The following ZC3H12B variants were observed in gnomAD, a reference collection of about 807,000 sequenced individuals.
ZC3H12B encodes the protein zinc finger CCCH-type containing 12B, also known as probable ribonuclease ZC3H12B.
A neutral mutation model predicts 43.9 loss-of-function variants in ZC3H12B; 7 were observed. That is an observed-to-expected ratio of 0.16 (90% CI 0.09 to 0.30). The LOEUF (loss-of-function observed/expected upper bound fraction) is 0.30, where lower values mean the gene tolerates loss of function less well. Among genes scored for constraint, ZC3H12B ranks in the 10% least tolerant of loss-of-function variants. The probability of loss-of-function intolerance (pLI) is 1.00; values close to 1 mark genes in which losing one functional copy is unlikely to be tolerated. For missense variants in ZC3H12B, 475 were observed against 670.2 expected (o/e 0.71, Z 3.22); for synonymous variants, 222 against 241.7 (o/e 0.92, Z 0.76).
the ZC3H12B span, among the ~76,000 whole-genome samples, chrX:65,191,705 G>A: frequency 1.9e-5 from 2 of 106,590 alleles, no homozygotes; most frequent in African/African-American, 7.0e-5. Flanking sequence ...TTCTTTATTA[G>A]TCTTGCTAGC....
At chrX:65,231,036 C>G in the ZC3H12B span, among the ~76,000 whole-genome samples, 10 of 111,426 alleles carry the variant, frequency 9.0e-5, no homozygotes, top group African/African-American at 3.3e-4. Flanking sequence ...ACCATAGGTC[C>G]TTTCTATTTT....
At chrX:65,381,882 C>A (rs1192061822) in intron 2 of ZC3H12B, among the ~76,000 whole-genome samples, 1 of 111,681 alleles carries the variant, frequency 9.0e-6, no homozygotes, top group East Asian at 2.8e-4. Flanking sequence ...TCGACACATA[C>A]ACTCTCCCAA....
chrX:65,227,844 A>G, the ZC3H12B span, among the ~76,000 whole-genome samples: 1 of 111,621 alleles, frequency 9.0e-6, no homozygotes, highest in African/African-American at 3.3e-5. Flanking sequence ...AAGAAGTTGA[A>G]TCTCTGAATA....
the ZC3H12B span, among the ~76,000 whole-genome samples, chrX:65,224,859 C>T: frequency 8.9e-6 from 1 of 112,207 alleles, no homozygotes; most frequent in Non-Finnish European, 1.9e-5. Context: ...CTTAGGTAAA[C>T]AAAGCAGCCG....
chrX:65,155,484 G>A, the ZC3H12B span, among the ~76,000 whole-genome samples: 6 of 111,300 alleles, frequency 5.4e-5, no homozygotes, highest in Admixed American at 2.9e-4. Flanking sequence ...GTATTCAAAA[G>A]TTAAATGATC....
intron 2 of ZC3H12B, among the ~76,000 whole-genome samples, chrX:65,397,699 C>G (rs2066717028): frequency 9.0e-6 from 1 of 111,515 alleles, no homozygotes; most frequent in African/African-American, 3.3e-5. Flanking sequence ...AACCTGAAAG[C>G]CTTTCTTCTA....
chrX:65,216,278 G>A, the ZC3H12B span, among the ~76,000 whole-genome samples: 1 of 111,535 alleles, frequency 9.0e-6, no homozygotes, highest in Admixed American at 9.5e-5. Context: ...CCCAATCCTA[G>A]GCAGTCAAGC....
chrX:65,413,150 G>A (rs1410511194), intron 3 of ZC3H12B, among the ~76,000 whole-genome samples: 1 of 110,633 alleles, frequency 9.0e-6, no homozygotes. Context: ...CGGGCTGTTT[G>A]TCCTTTTGTT....
intron 3 of ZC3H12B, among the ~76,000 whole-genome samples, chrX:65,434,376 T>C (rs1254532816): frequency 8.9e-6 from 1 of 112,297 alleles, no homozygotes; most frequent in Non-Finnish European, 1.9e-5. Context: ...AATCCCTTCC[T>C]CTATGTTAAA....
chrX:65,377,041 A>T (rs2066356031), intron 2 of ZC3H12B, among the ~76,000 whole-genome samples: 1 of 110,535 alleles, frequency 9.0e-6, no homozygotes, highest in African/African-American at 3.3e-5. Context: ...TCAAAGTTCT[A>T]TCAGATAAAT....
the ZC3H12B span, chrX:65,330,893 C>A: frequency 2.6e-5 from 6 of 228,428 alleles, no homozygotes; most frequent in Non-Finnish European, 4.4e-5. Flanking sequence ...CAGGTTTTTT[C>A]TCTTTCTTCT....
chrX:65,124,486 G>A, the ZC3H12B span, among the ~76,000 whole-genome samples: 49 of 110,618 alleles, frequency 4.4e-4, no homozygotes, highest in African/African-American at 1.5e-3. Context: ...GCATTAGGGT[G>A]ATACTGGCTT....
the ZC3H12B span, among the ~76,000 whole-genome samples, chrX:65,353,686 T>G: frequency 8.9e-6 from 1 of 112,054 alleles, no homozygotes; most frequent in Non-Finnish European, 1.9e-5. Context: ...CCCATCACCA[T>G]GGAGCCAAGC....
the ZC3H12B span, among the ~76,000 whole-genome samples, chrX:65,188,635 C>A: frequency 9.0e-6 from 1 of 110,501 alleles, no homozygotes; most frequent in Non-Finnish European, 1.9e-5. Flanking sequence ...ATGTCAGTTA[C>A]ATTTATTCTT....
At chrX:65,488,554 ATCCT>A (rs1373369839), upstream of ZC3H12B, 10 of 240,354 alleles carry the variant, frequency 4.2e-5, no homozygotes, top group African/African-American at 2.9e-5. Flanking sequence ...AATGCCAAAA[ATCCT>A]GTAGTTTCTT....
At chrX:65,095,047 A>G in the ZC3H12B span, among the ~76,000 whole-genome samples, 2 of 112,304 alleles carry the variant, frequency 1.8e-5, no homozygotes, top group Non-Finnish European at 3.8e-5. Context: ...ACCAGTGATA[A>G]AATTTGAGCT....
At chrX:65,072,246 T>C in the ZC3H12B span, among the ~76,000 whole-genome samples, 1 of 112,548 alleles carries the variant, frequency 8.9e-6, no homozygotes, top group Non-Finnish European at 1.9e-5. Flanking sequence ...ATTCTGCTAT[T>C]AATACTTGTG....
chrX:65,318,599 T>C, the ZC3H12B span, among the ~76,000 whole-genome samples: 1 of 110,665 alleles, frequency 9.0e-6, no homozygotes, highest in East Asian at 2.8e-4. Flanking sequence ...TTTGTACTTT[T>C]AGTACAGATG....
chrX:65,157,810 T>C, the ZC3H12B span, among the ~76,000 whole-genome samples: 27 of 108,432 alleles, frequency 2.5e-4, no homozygotes, highest in Non-Finnish European at 7.6e-5. Context: ...TTAGGGGACA[T>C]GTGCACAATA....
Sources: allele counts gnomAD v4.1 joint callset (sites outside exome capture counted in the v4.1 genomes callset), GRCh38; gene constraint gnomAD v4.1.1; transcripts MANE v1.5; gene names NCBI Gene and HGNC (gene_info 2026-07-23, HGNC 2026-07-21).